The following TRAPPC11 variants were observed in gnomAD, a reference collection of about 807,000 sequenced individuals.
The protein encoded by TRAPPC11 is trafficking protein particle complex subunit 11, also known as foie gras homolog.
TRAPPC11 carries 104 observed loss-of-function variants against 151.2 expected under a neutral mutation model. That is an observed-to-expected ratio of 0.69 (90% CI 0.59 to 0.81). TRAPPC11 has a LOEUF of 0.81. Ranked by LOEUF, TRAPPC11 falls within the 30% of genes least tolerant of loss-of-function variation. The probability of loss-of-function intolerance (pLI) is 0.00; values close to 1 mark genes in which losing one functional copy is unlikely to be tolerated. For missense variants in TRAPPC11, 1,230 were observed against 1,349.6 expected, an observed-to-expected ratio of 0.91 and a Z score of 1.39; for synonymous variants, 456 against 472.3, an observed-to-expected ratio of 0.97 and a Z score of 0.45.
chr4:183,697,568 G>A lies in TRAPPC11; in HGVS notation c.2694G>A (p.Lys898=), dbSNP rs1379694471. The stretch of plus-strand genomic sequence containing the variant: ...TTGCGGTTAAATTTGTTTCTACCAA[G>A]GTATGTTTCTTTGAGGCATACTAGA... The part of the protein sequence containing the change: ...FDVAVKFVST[K]FEHLERVYAD... The change falls in exon 24 of 30, where the codon AAG becomes AAA. Residue 898 remains lysine (K), a splice_region_variant and synonymous_variant. Transcript: ENST00000334690. 6.2e-7 allele frequency: 1 copy of A among 1,604,088 alleles called. No individual in the cohort carries two copies. The highest frequency in any genetic ancestry group is 1.4e-5 in the African/African-American group (1 of 74,004).
intron 10 of TRAPPC11, among the ~76,000 whole-genome samples, chr4:183,681,722 G>T (rs1735706517): frequency 1.3e-5 from 2 of 151,642 alleles, no homozygotes; most frequent in African/African-American, 4.9e-5. Flanking sequence ...GGGGCTTGCA[G>T]CGAGCCGAGA....
chr4:183,685,689 T>G (rs547381375), intron 17 of TRAPPC11, among the ~76,000 whole-genome samples: 2 of 152,280 alleles, frequency 1.3e-5, no homozygotes, highest in South Asian at 2.1e-4. Flanking sequence ...TCTAGGTAGG[T>G]ATTTTGAAAT....
At chr4:183,704,504 G>C (rs949544923) in intron 26 of TRAPPC11, among the ~76,000 whole-genome samples, 5 of 140,760 alleles carry the variant, frequency 3.6e-5, no homozygotes, top group African/African-American at 1.1e-4. Context: ...CTGGGTGAGA[G>C]AGTGAGACTG....
At chr4:183,702,680 A>C (rs986754019) in intron 26 of TRAPPC11, among the ~76,000 whole-genome samples, 5 of 152,194 alleles carry the variant, frequency 3.3e-5, no homozygotes, top group African/African-American at 9.7e-5. Flanking sequence ...TACCTTTGGG[A>C]TGGGGGGATA....
chr4:183,670,861 C>T (rs1210393546), intron 5 of TRAPPC11, among the ~76,000 whole-genome samples: 1 of 152,168 alleles, frequency 6.6e-6, no homozygotes, highest in African/African-American at 2.4e-5. Flanking sequence ...TCTTGGCTCA[C>T]TGCAACCTCT....
chr4:183,699,881 G>A (rs1476278751), intron 25 of TRAPPC11, among the ~76,000 whole-genome samples: 1 of 151,842 alleles, frequency 6.6e-6, no homozygotes, highest in Non-Finnish European at 1.5e-5. Flanking sequence ...CTGGAGTGCA[G>A]TGGCACGATC....
Position 183,687,487 on chromosome 4 carries a change from T to G in TRAPPC11, c.1893+739T>G, listed in dbSNP as rs374791535. Among the ~76,000 whole-genome samples, 49 of 152,048 alleles carry G rather than the reference T, an allele frequency of 3.2e-4. No individual in the cohort carries two copies. In the South Asian group the frequency reaches 9.8e-3, roughly 30 times the overall value. ...GGAACTACAGGCACCTGCCACCACG[T>G]CTGGCTAACTTTTGTATTTTTTGTA... is the stretch of plus-strand genomic sequence containing the variant. On this transcript the variant is annotated intron_variant, in intron 18 of 29. Transcript: ENST00000334690.
intron 7 of TRAPPC11, among the ~76,000 whole-genome samples, chr4:183,677,022 C>G (rs917977775): frequency 2.0e-5 from 3 of 152,208 alleles, no homozygotes; most frequent in African/African-American, 7.2e-5. Flanking sequence ...ACCTCAGCCT[C>G]TCAAAGTGCT....
At chr4:183,705,621 G>T (rs535605141) in intron 27 of TRAPPC11, among the ~76,000 whole-genome samples, 1 of 151,532 alleles carries the variant, frequency 6.6e-6, no homozygotes, top group East Asian at 1.9e-4. Flanking sequence ...CTCCCTCCCC[G>T]CATCTCTTCC....
intron 3 of TRAPPC11, 142 bp downstream of exon 3, chr4:183,666,568 C>A: frequency 4.1e-6 from 3 of 733,366 alleles, no homozygotes; most frequent in East Asian, 2.7e-5. Context: ...TTCACTTCCT[C>A]ACAGGTAGCA....
chr4:183,669,220 A>AT (rs1735028550), intron 5 of TRAPPC11, among the ~76,000 whole-genome samples: 1 of 152,256 alleles, frequency 6.6e-6, no homozygotes, highest in African/African-American at 2.4e-5. Context: ...CCAGGGTAAC[A>AT]TTGAGATAAT....
chr4:183,685,425 T>G, intron 17 of TRAPPC11, 22 bp downstream of exon 17: 1 of 1,596,486 alleles, frequency 6.3e-7, no homozygotes, highest in Non-Finnish European at 8.6e-7. Flanking sequence ...ACATCTACAG[T>G]ACTATTTCAG....
chr4:183,703,549 A>G (rs1287934591), intron 26 of TRAPPC11, among the ~76,000 whole-genome samples: 1 of 152,238 alleles, frequency 6.6e-6, no homozygotes, highest in Non-Finnish European at 1.5e-5. Context: ...TAGCCAAACT[A>G]AATCTGTACA....
At chr4:183,686,207 G>A (rs976291778) in intron 17 of TRAPPC11, among the ~76,000 whole-genome samples, 3 of 152,072 alleles carry the variant, frequency 2.0e-5, no homozygotes, top group African/African-American at 4.8e-5. Flanking sequence ...TGCGACCTCC[G>A]TTTACCACAA....
At position 183,694,646 on chromosome 4, in the gene TRAPPC11, A is replaced by G. The variant is rs369752120; in HGVS notation, c.2551A>G (p.Arg851Gly). The G allele has an allele frequency of 1.2e-6, 2 of 1,612,710 alleles. No individual in the cohort carries two copies. Among genetic ancestry groups the G allele is most frequent in the African/African-American group, 1.3e-5 (1 of 74,910 alleles). Residue 851 changes from arginine (R) to glycine (G), a missense_variant, in exon 23 of 30, where the codon AGA (arginine) becomes GGA (glycine). Transcript: ENST00000334690. ...LYVRCGTVGS[R>G]MFLVYVSYLI... Reference sequence around the variant, plus strand: ...TGTTCGCTGTGGAACAGTGGGTTCCAGAATGTTTCTTGTATATGTTTCTTA... The same window carrying G: ...TGTTCGCTGTGGAACAGTGGGTTCCGGAATGTTTCTTGTATATGTTTCTTA...
intron 23 of TRAPPC11, among the ~76,000 whole-genome samples, chr4:183,696,389 CTTCT>C (rs1736539713): frequency 6.6e-6 from 1 of 151,662 alleles, no homozygotes; most frequent in Admixed American, 6.6e-5. Flanking sequence ...GGTTTTTTTT[CTTCT>C]TTCTTTTATT....
At chr4:183,664,110 CTCTCTA>C (rs767119100) in intron 2 of TRAPPC11, 39 bp downstream of exon 2, 1 of 1,530,358 alleles carries the variant, frequency 6.5e-7, no homozygotes, top group Non-Finnish European at 9.0e-7. Context: ...TTCCTTCTCT[CTCTCTA>C]TGTGTGTGTG....
In TRAPPC11 at chr4:183,694,582, TACA is replaced by T; in HGVS notation, c.2509-18_2509-16del. Reference sequence around the variant, plus strand: ...GAAATGTCTGTAATACTAATTAAATTACAACATTTATTTTGTTACAGCTGGAAA... The same window carrying T: ...GAAATGTCTGTAATACTAATTAAATTACATTTATTTTGTTACAGCTGGAAA... On this transcript the variant is annotated intron_variant, in intron 22 of 29. Transcript: ENST00000334690. The T allele has an allele frequency of 6.2e-7, 1 of 1,602,106 alleles. No homozygotes were observed. Among genetic ancestry groups the T allele is most frequent in the Non-Finnish European group, 8.5e-7 (1 of 1,172,134 alleles).
At position 183,684,007 on chromosome 4, in the gene TRAPPC11, G is replaced by A. The variant is rs1340291250; in HGVS notation, c.1240G>A (p.Val414Met). ...TCTTTCTGATCCTGAAAAAGAAAAGGTGGGAATTCTTGCCATTCAGCTGAA... is the reference window on the plus strand; with the variant it reads ...TCTTTCTGATCCTGAAAAAGAAAAGATGGGAATTCTTGCCATTCAGCTGAA... ...FDLSDPEKEK[V>M]GILAIQLKER... is the part of the protein sequence containing the mutation. Residue 414 changes from valine (V) to methionine (M), a missense_variant, in exon 12 of 30, where the codon GTG becomes ATG. By Grantham distance (21) the Val-to-Met change is conservative (BLOSUM62 1). Transcript: ENST00000334690. The A allele has an allele frequency of 1.2e-6, 2 of 1,614,054 alleles. No individual in the cohort carries two copies. The highest frequency in any genetic ancestry group is 1.7e-6 in the Non-Finnish European group (2 of 1,179,972).
Sources: allele counts gnomAD v4.1 joint callset (sites outside exome capture counted in the v4.1 genomes callset), GRCh38; gene constraint gnomAD v4.1.1; transcripts MANE v1.5; gene names NCBI Gene and HGNC (gene_info 2026-07-23, HGNC 2026-07-21).